SPIRE1: variants seen among roughly 807,000 people sequenced by gnomAD.
SPIRE1 encodes the protein spire type actin nucleation factor 1.
SPIRE1 carries 40 observed loss-of-function variants against 94.1 expected under a neutral mutation model. That is an observed-to-expected ratio of 0.43 (90% CI 0.33 to 0.55). The LOEUF (loss-of-function observed/expected upper bound fraction) is 0.55. Among genes scored for constraint, SPIRE1 ranks in the 20% least tolerant of loss-of-function variants. The pLI is 0.06. For missense variants in SPIRE1, 838 were observed against 975.2 expected (o/e 0.86, Z 1.87); for synonymous variants, 376 against 371.7 (o/e 1.01, Z -0.13).
chr18:12,601,631 C>G (rs959362600), intron 2 of SPIRE1, among the ~76,000 whole-genome samples: 3 of 152,132 alleles, frequency 2.0e-5, no homozygotes, highest in Admixed American at 6.5e-5. Context: ...TTTGCAGGCA[C>G]TCCTCTTCTG....
chr18:12,508,278 A>G (rs1387174297), intron 5 of SPIRE1, among the ~76,000 whole-genome samples: 2 of 152,220 alleles, frequency 1.3e-5, no homozygotes, highest in Non-Finnish European at 2.9e-5. Flanking sequence ...AACATCCTCA[A>G]TAACGATTCA....
At chr18:12,543,502 A>T (rs760011854) in intron 3 of SPIRE1, among the ~76,000 whole-genome samples, 3 of 152,142 alleles carry the variant, frequency 2.0e-5, no homozygotes, top group Non-Finnish European at 4.4e-5. Context: ...GTCTTCTAAC[A>T]TTACTCTCCC....
intron 11 of SPIRE1, among the ~76,000 whole-genome samples, chr18:12,464,159 C>T (rs916019514): frequency 6.6e-6 from 1 of 152,072 alleles, no homozygotes; most frequent in Non-Finnish European, 1.5e-5. Flanking sequence ...ACTGTCCCAC[C>T]ATGAGAAACC....
At position 12,578,092 on chromosome 18, in the gene SPIRE1, T is replaced by C. The variant is rs183662162; in HGVS notation, c.373-31188A>G. Among the ~76,000 whole-genome samples the C allele has an allele frequency of 3.7e-3, 561 of 152,310 alleles. 5 individuals carry two copies. Among genetic ancestry groups the C allele is most frequent in the South Asian group, 0.029 (142 of 4,826 alleles). ...GATGTGGAAAACTAGAACATGTACA[T>C]TGCTGGTGTGAATACAAAACAACGC... On this transcript the variant is annotated intron_variant, in intron 2 of 16. Coordinates refer to ENST00000409402, the MANE Select transcript of SPIRE1 (RefSeq NM_001128626.2).
At chr18:12,474,802 T>C (rs1293761787) in intron 10 of SPIRE1, among the ~76,000 whole-genome samples, 1 of 151,848 alleles carries the variant, frequency 6.6e-6, no homozygotes, top group Non-Finnish European at 1.5e-5. Flanking sequence ...CTTGGCAATG[T>C]AGTGAGGCTC....
rs146857693 is a variant in SPIRE1 at position 12,585,223 on chromosome 18, CAT to C, written c.373-38321_373-38320del. ...GCCAAATGGAACACTTACACATACA[CAT>C]ATATGTTTGTGTGACATACAGAATA... On this transcript the variant is annotated intron_variant, in intron 2 of 16. Coordinates refer to ENST00000409402, the MANE Select transcript of SPIRE1 (RefSeq NM_001128626.2). Among the ~76,000 whole-genome samples the C allele has an allele frequency of 9.1e-3, 1,393 of 152,300 alleles. 10 individuals are homozygous for C. Among genetic ancestry groups the C allele is most frequent in the Non-Finnish European group, 0.016 (1,066 of 68,024 alleles).
intron 3 of SPIRE1, 60 bp downstream of exon 3, chr18:12,546,614 A>G (rs1439408393): frequency 1.5e-6 from 2 of 1,348,754 alleles, no homozygotes; most frequent in Non-Finnish European, 2.1e-6. Context: ...GGGGGGAAAA[A>G]AAAGAAGAAG....
intron 16 of SPIRE1, chr18:12,450,813 C>CA (rs1290838520): frequency 2.7e-6 from 2 of 734,562 alleles, no homozygotes; most frequent in Admixed American, 1.8e-5. Flanking sequence ...GGAGACATGG[C>CA]AAAAAAGCTG....
intron 1 of SPIRE1, among the ~76,000 whole-genome samples, chr18:12,646,345 T>G (rs1372277045): frequency 2.0e-5 from 3 of 152,170 alleles, no homozygotes; most frequent in Admixed American, 2.0e-4. Context: ...TTTATTATTT[T>G]AAAATTATTG....
chr18:12,518,905 G>A (rs1414361940), intron 4 of SPIRE1, among the ~76,000 whole-genome samples: 1 of 152,084 alleles, frequency 6.6e-6, no homozygotes, highest in East Asian at 1.9e-4. Context: ...ACATTGACTA[G>A]TCCCAAATTA....
In SPIRE1 at chr18:12,546,707, G is replaced by C. The variant is rs1291043217; in HGVS notation, c.570C>G (p.Ile190Met). The C allele has an allele frequency of 1.2e-6, 2 of 1,614,048 alleles. No homozygotes were observed. The highest frequency in any genetic ancestry group is 1.3e-5 in the African/African-American group (1 of 74,994). ...GLGDEDEKRK[I>M]SAIRSYRDVM... ...CATCTCTATATGACCGAATAGCTGA[G>C]ATTTTTCTCTTTTCATCTTCATCTC... Residue 190 changes from isoleucine to methionine, a missense_variant, in exon 3 of 17, where the codon ATC (isoleucine) becomes ATG (methionine). By Grantham distance (10) the Ile-to-Met change is conservative. Around this residue, in one of 2 missense-constraint regions of SPIRE1, gnomAD observed 645 missense variants for 804.7 expected, o/e 0.80. Coordinates refer to ENST00000409402, the MANE Select transcript of SPIRE1 (RefSeq NM_001128626.2).
chr18:12,529,136 G>C (rs1381646759), intron 4 of SPIRE1, among the ~76,000 whole-genome samples: 1 of 152,202 alleles, frequency 6.6e-6, no homozygotes, highest in African/African-American at 2.4e-5. Flanking sequence ...TTGGGAGGCC[G>C]AGGCGGGCGG....
At chr18:12,556,837 C>G (rs188790449) in intron 2 of SPIRE1, among the ~76,000 whole-genome samples, 1 of 152,164 alleles carries the variant, frequency 6.6e-6, no homozygotes, top group Non-Finnish European at 1.5e-5. Context: ...AAGAACAAAG[C>G]TTCCACAGTG....
rs780787945 is a variant in SPIRE1 at position 12,546,680 on chromosome 18, G to T, written c.597C>A (p.Val199=). ...GCATAAAACGCTGCCTTACCTTCAT[G>T]ACATCTCTATATGACCGAATAGCTG... ...KISAIRSYRD[V]MKLCAAHLPT... The change falls in exon 3 of 17, where the codon GTC becomes GTA. Residue 199 remains valine, a synonymous_variant. Transcript: ENST00000409402. 7.5e-6 allele frequency: 12 copies of T among 1,610,298 alleles called. No homozygotes were observed. In the South Asian group the frequency reaches 8.8e-5, roughly 12 times the overall value.
intron 1 of SPIRE1, among the ~76,000 whole-genome samples, chr18:12,654,385 G>A (rs1052050478): frequency 1.4e-5 from 2 of 143,186 alleles, no homozygotes; most frequent in African/African-American, 2.6e-5. Flanking sequence ...GGTGGCTCAC[G>A]CCTGTAATCC....
chr18:12,619,479 G>A (rs1567971652), intron 2 of SPIRE1, among the ~76,000 whole-genome samples: 1 of 152,066 alleles, frequency 6.6e-6, no homozygotes, highest in African/African-American at 2.4e-5. Flanking sequence ...CTGAACTCCA[G>A]CCTGGGCGAT....
intron 2 of SPIRE1, among the ~76,000 whole-genome samples, chr18:12,608,805 AG>A (rs1212285865): frequency 4.6e-5 from 7 of 152,210 alleles, no homozygotes; most frequent in African/African-American, 1.7e-4. Flanking sequence ...CAACAACCCA[AG>A]GAACAGGTGC....
At chr18:12,598,121 A>G (rs2144622337) in intron 2 of SPIRE1, among the ~76,000 whole-genome samples, 1 of 152,338 alleles carries the variant, frequency 6.6e-6, no homozygotes, top group South Asian at 2.1e-4. Flanking sequence ...TTTACTCCTA[A>G]TATTTTCTTA....
At chr18:12,594,653 C>A (rs1940974) in intron 2 of SPIRE1, among the ~76,000 whole-genome samples, 58,999 of 151,986 alleles carry the variant, frequency 0.39, 12,147 homozygotes, top group East Asian at 0.59. Flanking sequence ...TTTTGCTTAT[C>A]TTTATTTTCT....
Sources: allele counts gnomAD v4.1 joint callset (sites outside exome capture counted in the v4.1 genomes callset), GRCh38; gene constraint gnomAD v4.1.1; regional missense constraint gnomAD v4.1.1; transcripts MANE v1.5; gene names NCBI Gene and HGNC (gene_info 2026-07-23, HGNC 2026-07-21).